PHACTR3: variants seen among roughly 807,000 people sequenced by gnomAD.
PHACTR3 encodes the protein phosphatase and actin regulator 3.
Under a neutral mutation model 66.8 loss-of-function variants are expected in PHACTR3, and 16 were observed. The ratio of observed to expected loss-of-function variants is 0.24; its 90% CI spans 0.16 to 0.36. The LOEUF (loss-of-function observed/expected upper bound fraction) is 0.36. Among genes scored for constraint, PHACTR3 ranks in the 10% least tolerant of loss-of-function variants. PHACTR3 has a pLI of 1.00. For missense variants in PHACTR3, 647 were observed against 719.9 expected (o/e 0.90, Z 1.16); for synonymous variants, 323 against 292.1 (o/e 1.11, Z -1.08).
At position 59,732,628 on chromosome 20, in the gene PHACTR3, G is replaced by A. The variant is rs148209444; in HGVS notation, c.119-10479G>A. Among the ~76,000 whole-genome samples the A allele has an allele frequency of 1.5e-4, 23 of 152,270 alleles. No homozygotes were observed. In the East Asian group the frequency reaches 4.3e-3, roughly 28 times the overall value. ...GCTGCTGAGGGGGCAGCCAGAAGAA[G>A]CCATGGCCAACATGAGGTCTAGAGG... On this transcript the variant is annotated intron_variant, in intron 1 of 12. Coordinates refer to ENST00000371015, the MANE Select transcript of PHACTR3 (RefSeq NM_080672.5).
At chr20:59,823,299 A>G (rs912331269) in intron 8 of PHACTR3, among the ~76,000 whole-genome samples, 1 of 152,146 alleles carries the variant, frequency 6.6e-6, no homozygotes, top group Admixed American at 6.5e-5. Context: ...CGCCCAGAAC[A>G]GTAATCTGCA....
intron 11 of PHACTR3, chr20:59,844,672 G>C (rs1411429129): frequency 6.6e-6 from 1 of 152,104 alleles, no homozygotes; most frequent in Non-Finnish European, 1.5e-5. Context: ...GATACCAAAG[G>C]CTGGGAAGGG....
chr20:59,749,066 G>A (rs890825184), intron 3 of PHACTR3, among the ~76,000 whole-genome samples: 2 of 152,132 alleles, frequency 1.3e-5, no homozygotes, highest in Non-Finnish European at 2.9e-5. Flanking sequence ...CCTTACATGT[G>A]CGAGGAAAGC....
chr20:59,780,924 G>A (rs553739599), intron 7 of PHACTR3, among the ~76,000 whole-genome samples: 14 of 152,296 alleles, frequency 9.2e-5, no homozygotes, highest in African/African-American at 2.4e-4. Context: ...CTCAGTGAGC[G>A]TTCTGGTTGC....
chr20:59,774,943 A>T (rs1302959957), intron 7 of PHACTR3, among the ~76,000 whole-genome samples: 1 of 152,058 alleles, frequency 6.6e-6, no homozygotes, highest in Non-Finnish European at 1.5e-5. Flanking sequence ...GGGGAGAGGG[A>T]GGAAGAGAGA....
chr20:59,656,710 G>A (rs550783213), intron 1 of PHACTR3, among the ~76,000 whole-genome samples: 1 of 151,020 alleles, frequency 6.6e-6, no homozygotes, highest in African/African-American at 2.4e-5. Context: ...TGCCTTTTTT[G>A]TTCCTCTATT....
intron 1 of PHACTR3, among the ~76,000 whole-genome samples, chr20:59,661,756 G>A (rs113328841): frequency 0.01 from 1,561 of 151,582 alleles, 27 homozygotes; most frequent in African/African-American, 0.036. Context: ...GCCACGCAGC[G>A]ACAGACCTGC....
intron 1 of PHACTR3, among the ~76,000 whole-genome samples, chr20:59,622,186 G>T (rs2034267596): frequency 4.1e-5 from 6 of 147,362 alleles, no homozygotes; most frequent in South Asian, 2.2e-4. Context: ...TCATTTTTTT[G>T]AAAGGCTGAA....
chr20:59,814,431 T>C (rs973265113), intron 8 of PHACTR3, among the ~76,000 whole-genome samples: 1 of 152,072 alleles, frequency 6.6e-6, no homozygotes, highest in Non-Finnish European at 1.5e-5. Context: ...AGGTTATATG[T>C]CCAAAGGGTC....
intron 1 of PHACTR3, among the ~76,000 whole-genome samples, chr20:59,623,356 A>T (rs2034328951): frequency 6.6e-6 from 1 of 152,106 alleles, no homozygotes; most frequent in African/African-American, 2.4e-5. Flanking sequence ...TGTACGCACC[A>T]TGCAGCTGTT....
chr20:59,729,917 G>T (rs1454767580), intron 1 of PHACTR3, among the ~76,000 whole-genome samples: 3 of 152,150 alleles, frequency 2.0e-5, no homozygotes, highest in South Asian at 2.1e-4. Context: ...ATTCACGTTG[G>T]ACCCGGACTT....
chr20:59,634,659 T>A (rs2034783674), intron 1 of PHACTR3, among the ~76,000 whole-genome samples: 1 of 152,336 alleles, frequency 6.6e-6, no homozygotes. Context: ...CGCTGCTCCC[T>A]GCCCTCAAGG....
At chr20:59,594,077 G>A (rs2033259688) in intron 1 of PHACTR3, among the ~76,000 whole-genome samples, 2 of 152,208 alleles carry the variant, frequency 1.3e-5, no homozygotes, top group Non-Finnish European at 2.9e-5. Flanking sequence ...GGGTCAAATA[G>A]AGAAGAACTG....
chr20:59,744,363 A>G (rs1013879348), intron 2 of PHACTR3, among the ~76,000 whole-genome samples: 1 of 151,730 alleles, frequency 6.6e-6, no homozygotes, highest in Non-Finnish European at 1.5e-5. Context: ...CCGCATCTCC[A>G]CCCCAGGGCC....
At chr20:59,757,340 G>A (rs1453454434) in intron 4 of PHACTR3, among the ~76,000 whole-genome samples, 2 of 152,248 alleles carry the variant, frequency 1.3e-5, no homozygotes, top group Non-Finnish European at 2.9e-5. Flanking sequence ...CTGGGTGTGC[G>A]GATGGGTTCC....
At chr20:59,699,198 G>A (rs1263233183) in intron 1 of PHACTR3, among the ~76,000 whole-genome samples, 1 of 152,184 alleles carries the variant, frequency 6.6e-6, no homozygotes, top group Admixed American at 6.5e-5. Flanking sequence ...GAAACCCCAG[G>A]AGTTGGCGAT....
intron 1 of PHACTR3, among the ~76,000 whole-genome samples, chr20:59,687,028 A>G (rs2036920323): frequency 6.8e-6 from 1 of 147,680 alleles, no homozygotes; most frequent in African/African-American, 2.5e-5. Context: ...GGTGATGATG[A>G]TGGTGGTGAT....
At chr20:59,843,234 G>A (rs117018786) in intron 11 of PHACTR3, among the ~76,000 whole-genome samples, 3,848 of 152,152 alleles carry the variant, frequency 0.025, 55 homozygotes, top group Non-Finnish European at 0.037. Context: ...CAAATGGAAA[G>A]ATATCTCATG....
chr20:59,834,441 C>G (rs1767831), intron 8 of PHACTR3, among the ~76,000 whole-genome samples: 1 of 151,750 alleles, frequency 6.6e-6, no homozygotes, highest in Admixed American at 6.6e-5. Context: ...GTGCCCAGCT[C>G]TAAGGGGAGA....
Sources: gnomAD v4.1 joint callset for allele counts (sites outside exome capture counted in the v4.1 genomes callset) on GRCh38, gnomAD v4.1.1 for gene constraint, MANE v1.5 for transcripts, NCBI Gene and HGNC (gene_info 2026-07-23, HGNC 2026-07-21) for gene names.